WDR37: variants seen among roughly 807,000 people sequenced by gnomAD.
WDR37 encodes the protein WD repeat domain 37.
Under a neutral mutation model 62.9 loss-of-function variants are expected in WDR37, and 19 were observed. The observed-to-expected ratio is 0.30, with a 90% confidence interval of 0.21 to 0.44. The LOEUF (loss-of-function observed/expected upper bound fraction) is 0.44. WDR37 is among the 20% of genes least tolerant of loss of function. The pLI, the probability that WDR37 is intolerant of heterozygous loss-of-function variation, is 1.00. For missense variants in WDR37, 474 were observed against 657.6 expected (o/e 0.72, Z 3.05); for synonymous variants, 250 against 260.9 (o/e 0.96, Z 0.40).
At chr10:1,102,530 C>T (rs1432337439) in intron 9 of WDR37, among the ~76,000 whole-genome samples, 1 of 151,668 alleles carries the variant, frequency 6.6e-6, no homozygotes, top group Non-Finnish European at 1.5e-5. Flanking sequence ...AGCTTTCACT[C>T]ACAGCAGAAG....
At chr10:1,086,245 G>T (rs1463752774) in intron 6 of WDR37, 41 bp from the exon 7 acceptor site, 1 of 1,548,748 alleles carries the variant, frequency 6.5e-7, no homozygotes. Flanking sequence ...ACTATAAACT[G>T]ATGATAGCTA....
chr10:1,101,696 T>C (rs1834808731), intron 9 of WDR37, among the ~76,000 whole-genome samples: 1 of 152,226 alleles, frequency 6.6e-6, no homozygotes. Flanking sequence ...CTCCCGGGAT[T>C]ACAGGAGCTG....
intron 9 of WDR37, among the ~76,000 whole-genome samples, chr10:1,101,397 C>G (rs1042208161): frequency 3.3e-5 from 5 of 152,200 alleles, no homozygotes; most frequent in Non-Finnish European, 7.3e-5. Flanking sequence ...TGTCTGTGTC[C>G]TCATCTCTTC....
intron 5 of WDR37, among the ~76,000 whole-genome samples, chr10:1,083,140 T>G (rs1421826433): frequency 6.6e-6 from 1 of 152,244 alleles, no homozygotes; most frequent in Non-Finnish European, 1.5e-5. Context: ...AACATCTGAA[T>G]GACACTTTCT....
chr10:1,058,592 C>T (rs1048424435), intron 1 of WDR37, among the ~76,000 whole-genome samples: 1 of 152,174 alleles, frequency 6.6e-6, no homozygotes, highest in Admixed American at 6.5e-5. Flanking sequence ...ATCTTGATGG[C>T]TATTTATCTG....
intron 11 of WDR37, among the ~76,000 whole-genome samples, chr10:1,114,295 G>A (rs1835316288): frequency 6.6e-6 from 1 of 152,166 alleles, no homozygotes; most frequent in Non-Finnish European, 1.5e-5. Flanking sequence ...ATGCGGTAGA[G>A]AAATCTTTTG....
chr10:1,113,086 GA>G (rs1835264632), intron 11 of WDR37, among the ~76,000 whole-genome samples: 1 of 17,954 alleles, frequency 5.6e-5, no homozygotes, highest in East Asian at 1.3e-3. Flanking sequence ...AGGACAGACT[GA>G]TGCTCTTGTG....
chr10:1,093,317 T>C, intron 7 of WDR37, 135 bp from the exon 8 acceptor site: 2 of 698,818 alleles, frequency 2.9e-6, no homozygotes, highest in Non-Finnish European at 4.8e-6. Flanking sequence ...ATTTATAACT[T>C]AACTGAGTGG....
intron 8 of WDR37, among the ~76,000 whole-genome samples, chr10:1,094,613 G>A (rs1231517961): frequency 1.3e-5 from 2 of 152,200 alleles, no homozygotes; most frequent in African/African-American, 4.8e-5. Flanking sequence ...TTTGTGGGAT[G>A]ATTGAAAAGG....
Position 1,103,682 on chromosome 10 carries a change from C to T in WDR37, c.807C>T (p.Thr269=). 2 of 1,614,248 alleles carry T rather than the reference C, an allele frequency of 1.2e-6. No homozygotes were observed. Among genetic ancestry groups the T allele is most frequent in the Non-Finnish European group, 1.7e-6 (2 of 1,180,044 alleles). ...GGGATGTGTCCAGCGACTGCCCCAC[C>T]ATCCGCGTCCCACTGACATCCCTCA... The part of the protein sequence containing the change: ...LDGDVSSDCP[T]IRVPLTSLKS... The change falls in exon 10 of 14, where the codon ACC becomes ACT. Residue 269 remains threonine, a synonymous_variant. Transcript: ENST00000263150. This position sits in a 1 kb window ranked among gnomAD's most constrained non-coding sequence, Gnocchi z 6.3.
At chr10:1,090,948 G>A (rs965901870) in intron 7 of WDR37, among the ~76,000 whole-genome samples, 1 of 152,164 alleles carries the variant, frequency 6.6e-6, no homozygotes, top group Non-Finnish European at 1.5e-5. Flanking sequence ...TGCTCCAGCC[G>A]GCCTGTTGAC....
intron 7 of WDR37, among the ~76,000 whole-genome samples, chr10:1,091,834 C>T (rs577722500): frequency 7.2e-5 from 11 of 152,202 alleles, no homozygotes; most frequent in Non-Finnish European, 1.5e-5. Flanking sequence ...TGTCTACATT[C>T]AAGACAGGAG....
chr10:1,072,332 T>C, intron 2 of WDR37, 39 bp downstream of exon 2: 3 of 1,603,034 alleles, frequency 1.9e-6, no homozygotes. Context: ...GATTGATTGA[T>C]TTTTGAGACA....
At chr10:1,061,744 C>T (rs909000198) in intron 1 of WDR37, among the ~76,000 whole-genome samples, 1 of 151,160 alleles carries the variant, frequency 6.6e-6, no homozygotes, top group African/African-American at 2.4e-5. Context: ...GAGGCTGAGG[C>T]AGGAGAATTG....
At chr10:1,092,881 A>G (rs1427713165) in intron 7 of WDR37, among the ~76,000 whole-genome samples, 1 of 149,842 alleles carries the variant, frequency 6.7e-6, no homozygotes, top group Non-Finnish European at 1.5e-5. Flanking sequence ...ACAAAAAAAA[A>G]AAAAAAAAAA....
chr10:1,060,405 G>T (rs746571030), intron 1 of WDR37, among the ~76,000 whole-genome samples: 1 of 152,196 alleles, frequency 6.6e-6, no homozygotes, highest in Non-Finnish European at 1.5e-5. Flanking sequence ...TCCATGGTAG[G>T]ATAAAGAGAT....
At chr10:1,095,468 G>A (rs1221416162) in intron 8 of WDR37, among the ~76,000 whole-genome samples, 1 of 152,142 alleles carries the variant, frequency 6.6e-6, no homozygotes, top group African/African-American at 2.4e-5. Context: ...GATTTGAGGA[G>A]GAGTTGCAAG....
chr10:1,075,692 G>C (rs112837712), intron 2 of WDR37, among the ~76,000 whole-genome samples: 1 of 152,072 alleles, frequency 6.6e-6, no homozygotes, highest in Non-Finnish European at 1.5e-5. Context: ...TCACAGAGTG[G>C]GAATGGGGCG....
chr10:1,058,985 T>G (rs1848580128), intron 1 of WDR37, among the ~76,000 whole-genome samples: 1 of 152,258 alleles, frequency 6.6e-6, no homozygotes, highest in South Asian at 2.1e-4. Context: ...CTTAAGCAAG[T>G]GTTTTTGCTT....
Sources: gnomAD v4.1 joint callset for allele counts (sites outside exome capture counted in the v4.1 genomes callset) on GRCh38, gnomAD v4.1.1 for gene constraint, Gnocchi (gnomAD v3.1) non-coding constraint, MANE v1.5 for transcripts, NCBI Gene and HGNC (gene_info 2026-07-23, HGNC 2026-07-21) for gene names.